EPHA3: variants seen among roughly 807,000 people sequenced by gnomAD.
EPHA3 encodes the protein EPH receptor A3.
In EPHA3, 42 loss-of-function variants were observed where a neutral mutation model predicts 107.1. The observed-to-expected ratio is 0.39, with a 90% CI of 0.31 to 0.51. EPHA3 has a LOEUF of 0.51. Among genes scored for constraint, EPHA3 ranks in the 20% least tolerant of loss-of-function variants. The pLI, the probability that EPHA3 is intolerant of heterozygous loss-of-function variation, is 0.78. For missense variants in EPHA3, 1,183 were observed against 1,211.2 expected, an observed-to-expected ratio of 0.98 and a Z score of 0.35; for synonymous variants, 461 against 424.8, an observed-to-expected ratio of 1.09 and a Z score of -1.05.
At chr3:89,277,210 A>T (rs1705827913) in intron 3 of EPHA3, among the ~76,000 whole-genome samples, 1 of 152,156 alleles carries the variant, frequency 6.6e-6, no homozygotes, top group South Asian at 2.1e-4. Context: ...TCTTCATCTC[A>T]ATGCAAATAA....
intron 11 of EPHA3, among the ~76,000 whole-genome samples, chr3:89,425,949 C>T (rs1262777050): frequency 1.3e-5 from 2 of 151,620 alleles, no homozygotes; most frequent in Non-Finnish European, 3.0e-5. Context: ...CTTCCCTTTA[C>T]TTTACAATTG....
At chr3:89,230,136 G>A (rs1480501555) in intron 3 of EPHA3, among the ~76,000 whole-genome samples, 1 of 151,994 alleles carries the variant, frequency 6.6e-6, no homozygotes, top group Non-Finnish European at 1.5e-5. Flanking sequence ...GGAAGACCCA[G>A]AGCAATTAAG....
chr3:89,438,992 T>G (rs2107544365), intron 13 of EPHA3, among the ~76,000 whole-genome samples: 1 of 152,238 alleles, frequency 6.6e-6, no homozygotes, highest in South Asian at 2.1e-4. Flanking sequence ...ACTATAATTG[T>G]GAAGTGGAAC....
In EPHA3 at chr3:89,270,517, T is replaced by C. The variant is rs542344068; in HGVS notation, c.814+59997T>C. Among the ~76,000 whole-genome samples, 6 of 152,222 alleles carry C rather than the reference T, an allele frequency of 3.9e-5. No homozygotes were observed. In the South Asian group the frequency reaches 1.2e-3, roughly 32 times the overall value. On this transcript the variant is annotated intron_variant, in intron 3 of 16. Coordinates refer to ENST00000336596, the MANE Select transcript of EPHA3 (RefSeq NM_005233.6). ...TCCTTAAGGAGAGATGCAATAATGT[T>C]TTAAATTGTGTAGCCTGAGTATGAA...
intron 3 of EPHA3, among the ~76,000 whole-genome samples, chr3:89,244,535 G>T (rs915493210): frequency 5.9e-5 from 9 of 151,810 alleles, no homozygotes; most frequent in African/African-American, 1.9e-4. Context: ...TTATTTTTCT[G>T]TATTTCTGTA....
Position 89,341,791 on chromosome 3 carries a change from T to C in EPHA3, c.1007T>C (p.Ile336Thr), listed in dbSNP as rs368542690. The C allele has an allele frequency of 1.9e-6, 3 of 1,613,684 alleles. No individual in the cohort carries two copies. Among genetic ancestry groups the C allele is most frequent in the Non-Finnish European group, 2.5e-6 (3 of 1,179,914 alleles). Residue 336 changes from isoleucine (I) to threonine (T), a missense_variant, in exon 5 of 17, where the codon ATA (isoleucine) becomes ACA (threonine). By Grantham distance (89) the Ile-to-Thr change is moderately conservative (BLOSUM62 -1). Transcript: ENST00000336596. The part of the protein sequence containing the change: ...PSSPRNVISN[I>T]NETSVILDWS... The stretch of plus-strand genomic sequence containing the variant: ...TCACCAAGAAATGTTATCTCTAATA[T>C]AAACGAGACCTCAGTTATCCTGGAC...
chr3:89,384,995 C>G (rs1347493030), intron 5 of EPHA3, among the ~76,000 whole-genome samples: 1 of 151,950 alleles, frequency 6.6e-6, no homozygotes, highest in African/African-American at 2.4e-5. Context: ...GTAGAACATC[C>G]CAGCAATCCA....
At chr3:89,154,445 C>G (rs1030153053) in intron 2 of EPHA3, among the ~76,000 whole-genome samples, 1 of 151,620 alleles carries the variant, frequency 6.6e-6, no homozygotes, top group Admixed American at 6.6e-5. Context: ...CTGTGTGGTG[C>G]TTATATACTG....
At chr3:89,389,228 G>T (rs1373584242) in intron 5 of EPHA3, among the ~76,000 whole-genome samples, 2 of 152,140 alleles carry the variant, frequency 1.3e-5, no homozygotes, top group Non-Finnish European at 2.9e-5. Context: ...GAATGATTAT[G>T]CTAAATCAAA....
intron 2 of EPHA3, among the ~76,000 whole-genome samples, chr3:89,134,683 G>A (rs188283928): frequency 2.4e-4 from 36 of 152,102 alleles, no homozygotes; most frequent in Admixed American, 5.9e-4. Context: ...TTCAATGGCC[G>A]GTCACTATGC....
At chr3:89,269,174 A>G (rs1414433760) in intron 3 of EPHA3, among the ~76,000 whole-genome samples, 3 of 152,152 alleles carry the variant, frequency 2.0e-5, no homozygotes, top group African/African-American at 7.2e-5. Flanking sequence ...TACGTGGGGT[A>G]AACTATTGAA....
At chr3:89,384,693 G>A (rs548712798) in intron 5 of EPHA3, among the ~76,000 whole-genome samples, 64 of 152,190 alleles carry the variant, frequency 4.2e-4, no homozygotes, top group African/African-American at 1.1e-3. Context: ...TCATAGATGC[G>A]GTTGAATTTC....
At chr3:89,441,876 T>A (rs1480342150) in intron 13 of EPHA3, among the ~76,000 whole-genome samples, 2 of 152,164 alleles carry the variant, frequency 1.3e-5, no homozygotes, top group Non-Finnish European at 2.9e-5. Context: ...TGTGACTCAG[T>A]TAAAATTTAT....
At chr3:89,121,600 T>C (rs1276248542) in intron 1 of EPHA3, among the ~76,000 whole-genome samples, 1 of 151,728 alleles carries the variant, frequency 6.6e-6, no homozygotes, top group Non-Finnish European at 1.5e-5. Flanking sequence ...CTACTAAAAG[T>C]ACAAAAATTA....
chr3:89,154,384 G>A (rs1704752815), intron 2 of EPHA3, among the ~76,000 whole-genome samples: 1 of 151,532 alleles, frequency 6.6e-6, no homozygotes, highest in Non-Finnish European at 1.5e-5. Context: ...ATGTAGGAAA[G>A]TGTCATTTCT....
At chr3:89,476,133 T>G (rs1710500098) in intron 16 of EPHA3, among the ~76,000 whole-genome samples, 1 of 147,440 alleles carries the variant, frequency 6.8e-6, no homozygotes, top group South Asian at 2.1e-4. Flanking sequence ...AAATATATAT[T>G]ATATATTATA....
chr3:89,346,615 T>G (rs897339360), intron 5 of EPHA3, among the ~76,000 whole-genome samples: 2 of 150,924 alleles, frequency 1.3e-5, no homozygotes, highest in Non-Finnish European at 3.0e-5. Context: ...AGAAGCTCTT[T>G]ATTTTAATTA....
chr3:89,130,566 T>C (rs746622959), intron 2 of EPHA3, among the ~76,000 whole-genome samples: 1 of 152,088 alleles, frequency 6.6e-6, no homozygotes, highest in African/African-American at 2.4e-5. Flanking sequence ...CAAAGACGTA[T>C]TCATACATGA....
intron 3 of EPHA3, among the ~76,000 whole-genome samples, chr3:89,218,797 T>G (rs895646770): frequency 1.3e-5 from 2 of 152,104 alleles, no homozygotes; most frequent in African/African-American, 4.8e-5. Context: ...CTCTCACCAG[T>G]TAGAATAGCA....
Sources: gnomAD v4.1 joint callset for allele counts (sites outside exome capture counted in the v4.1 genomes callset) on GRCh38, gnomAD v4.1.1 for gene constraint, MANE v1.5 for transcripts, NCBI Gene and HGNC (gene_info 2026-07-23, HGNC 2026-07-21) for gene names.